The following MYO16 variants were observed in gnomAD, a reference collection of about 807,000 sequenced individuals.
The protein encoded by MYO16 is myosin XVI.
MYO16 carries 94 observed loss-of-function variants against 205.3 expected under a neutral mutation model. That is an observed-to-expected ratio of 0.46 (90% CI 0.39 to 0.54). The LOEUF (loss-of-function observed/expected upper bound fraction) is 0.54. Ranked by LOEUF, MYO16 falls within the 20% of genes least tolerant of loss-of-function variation. The pLI, the probability that MYO16 is intolerant of heterozygous loss-of-function variation, is 0.00. For synonymous variants in MYO16, 988 were observed against 954.0 expected, an observed-to-expected ratio of 1.04 and a Z score of -0.66; for missense variants, 2,315 against 2,387.5, an observed-to-expected ratio of 0.97 and a Z score of 0.63.
chr13:108,930,772 T>C (rs1882222290), intron 16 of MYO16, among the ~76,000 whole-genome samples: 1 of 152,188 alleles, frequency 6.6e-6, no homozygotes, highest in Admixed American at 6.5e-5. Context: ...AATACCACTA[T>C]TTGTAAATAA....
chr13:108,589,015 G>T, the MYO16 span, among the ~76,000 whole-genome samples: 6 of 152,154 alleles, frequency 3.9e-5, no homozygotes, highest in African/African-American at 1.4e-4. Flanking sequence ...TCCTTTCTAT[G>T]TGATCGTGGA....
chr13:109,162,590 C>T lies in MYO16; in HGVS notation c.5165-2311C>T, dbSNP rs1353013280. Among the ~76,000 whole-genome samples, 1 of 152,156 alleles carries T rather than the reference C, an allele frequency of 6.6e-6. No homozygotes were observed. The highest frequency in any genetic ancestry group is 1.5e-5 in the Non-Finnish European group (1 of 68,038). ...TTTCCACGTAGCTGTGAGTCCACCA[C>T]GTTTAATTATCTGCTTGTGTATCTG... is the stretch of plus-strand genomic sequence containing the variant. On this transcript the variant is annotated intron_variant, in intron 32 of 34. Transcript: ENST00000457511. This position sits in a 1 kb window ranked among gnomAD's most constrained non-coding sequence, Gnocchi z 4.6.
At chr13:109,076,651 A>G (rs9521157) in intron 27 of MYO16, among the ~76,000 whole-genome samples, 88,063 of 151,618 alleles carry the variant, frequency 0.58, 25,750 homozygotes, top group Admixed American at 0.62. Context: ...AACACTCCGC[A>G]AGAGTAGAAC....
At chr13:108,652,165 G>T (rs766544781) in intron 1 of MYO16, among the ~76,000 whole-genome samples, 1 of 151,132 alleles carries the variant, frequency 6.6e-6, no homozygotes, top group African/African-American at 2.4e-5. Flanking sequence ...GCGCGCGCGC[G>T]CATGTGTGCG....
At chr13:109,031,146 C>A (rs921745114) in intron 23 of MYO16, among the ~76,000 whole-genome samples, 1 of 152,094 alleles carries the variant, frequency 6.6e-6, no homozygotes, top group Admixed American at 6.6e-5. Context: ...GGCTGGAGTG[C>A]AACGGCGCGA....
intron 5 of MYO16, among the ~76,000 whole-genome samples, chr13:108,789,772 T>A (rs912499145): frequency 9.9e-5 from 15 of 152,178 alleles, no homozygotes; most frequent in African/African-American, 3.4e-4. Flanking sequence ...GCTAAAATCA[T>A]GGGATAGGTC....
At chr13:108,572,390 G>GA in the MYO16 span, among the ~76,000 whole-genome samples, 5 of 149,052 alleles carry the variant, frequency 3.4e-5, no homozygotes, top group Admixed American at 2.7e-4. Flanking sequence ...GTTTTATTTG[G>GA]AAAAAAATAC....
intron 4 of MYO16, among the ~76,000 whole-genome samples, chr13:108,776,272 G>A (rs867189513): frequency 6.6e-6 from 1 of 152,126 alleles, no homozygotes; most frequent in Non-Finnish European, 1.5e-5. Context: ...GCATGAATTG[G>A]GAAGTCAGGG....
chr13:108,777,205 C>T (rs552234544), intron 4 of MYO16, among the ~76,000 whole-genome samples: 6 of 152,242 alleles, frequency 3.9e-5, no homozygotes, highest in Admixed American at 3.9e-4. Context: ...AAACCATTAA[C>T]TCTGTATTAC....
chr13:108,751,044 T>G (rs1043565522), intron 4 of MYO16, among the ~76,000 whole-genome samples: 1 of 37,760 alleles, frequency 2.6e-5, no homozygotes, highest in African/African-American at 1.2e-4. Flanking sequence ...TGTGTATAAA[T>G]ATATATATAT....
At chr13:108,735,925 GCTGCATAAATGT>G (rs1212733655) in intron 4 of MYO16, among the ~76,000 whole-genome samples, 1 of 152,190 alleles carries the variant, frequency 6.6e-6, no homozygotes, top group Non-Finnish European at 1.5e-5. Context: ...GTGTCTGTTA[GCTGCATAAATGT>G]CTTCTTTTGA....
At chr13:108,695,033 AC>A (rs1471422582) in intron 2 of MYO16, among the ~76,000 whole-genome samples, 8 of 152,050 alleles carry the variant, frequency 5.3e-5, no homozygotes, top group African/African-American at 1.9e-4. Flanking sequence ...AATCTCTTGA[AC>A]CCGGGAGGCA....
chr13:108,941,046 C>T (rs1882700565), intron 16 of MYO16, among the ~76,000 whole-genome samples: 1 of 151,998 alleles, frequency 6.6e-6, no homozygotes, highest in East Asian at 1.9e-4. Flanking sequence ...GTTTTCACAC[C>T]AACAACAAAA....
chr13:108,658,750 C>T lies in MYO16; in HGVS notation c.29-7136C>T, dbSNP rs549701758. On this transcript the variant is annotated intron_variant, in intron 1 of 34. Coordinates refer to ENST00000457511, the MANE Select transcript of MYO16 (RefSeq NM_001198950.3). ...TCCATTTTCAATTATGTTAAGAAAACGCCTGTGTAATTTTGGTTCCTCAGA... is the reference window on the plus strand; with the variant it reads ...TCCATTTTCAATTATGTTAAGAAAATGCCTGTGTAATTTTGGTTCCTCAGA... Among the ~76,000 whole-genome samples, 10 of 152,064 alleles carry T rather than the reference C, an allele frequency of 6.6e-5. No individual in the cohort carries two copies. In the South Asian group the frequency reaches 8.3e-4, roughly 13 times the overall value.
chr13:108,569,906 T>C, the MYO16 span, among the ~76,000 whole-genome samples: 1 of 152,226 alleles, frequency 6.6e-6, no homozygotes, highest in Non-Finnish European at 1.5e-5. Flanking sequence ...ATAAATATGG[T>C]ATGTTTGATT....
At chr13:108,814,153 G>A (rs1259848945) in intron 7 of MYO16, among the ~76,000 whole-genome samples, 2 of 152,080 alleles carry the variant, frequency 1.3e-5, no homozygotes, top group East Asian at 3.9e-4. Context: ...TAGTTTGTTG[G>A]GAGATTGCAC....
the MYO16 span, among the ~76,000 whole-genome samples, chr13:108,562,636 A>G: frequency 6.6e-6 from 1 of 152,206 alleles, no homozygotes; most frequent in Non-Finnish European, 1.5e-5. Context: ...GTCACATGCC[A>G]CATAATGATG....
intron 32 of MYO16, among the ~76,000 whole-genome samples, chr13:109,158,713 G>C (rs916879617): frequency 1.3e-4 from 20 of 148,632 alleles, no homozygotes; most frequent in Non-Finnish European, 2.2e-4. Context: ...TGCAATTGGG[G>C]AAAGGTGAGC....
intron 17 of MYO16, among the ~76,000 whole-genome samples, chr13:108,959,427 T>C (rs1450564425): frequency 1.3e-5 from 2 of 152,168 alleles, no homozygotes; most frequent in African/African-American, 4.8e-5. Context: ...GCTTTGAAAA[T>C]TCATGACTGA....
Sources: allele counts gnomAD v4.1 joint callset (sites outside exome capture counted in the v4.1 genomes callset), GRCh38; gene constraint gnomAD v4.1.1; non-coding constraint Gnocchi (gnomAD v3.1); transcripts MANE v1.5; gene names NCBI Gene and HGNC (gene_info 2026-07-23, HGNC 2026-07-21).